The following CLIC4 variants were observed in gnomAD, a reference collection of about 807,000 sequenced individuals.
CLIC4 encodes the protein CLIC family member 4, also known as chloride intracellular channel protein 4.
CLIC4 carries 13 observed loss-of-function variants against 24.6 expected under a neutral mutation model. The observed-to-expected ratio is 0.53, with a 90% CI of 0.34 to 0.84. CLIC4 has a LOEUF of 0.84. CLIC4 is among the 40% of genes least tolerant of loss of function. The probability of loss-of-function intolerance (pLI) is 0.01; values close to 1 mark genes in which losing one functional copy is unlikely to be tolerated. For missense variants in CLIC4, 227 were observed against 301.7 expected (o/e 0.75, Z 1.83); for synonymous variants, 104 against 111.3 (o/e 0.93, Z 0.41).
chr1:24,838,007 A>G (rs1358862200), intron 4 of CLIC4, among the ~76,000 whole-genome samples: 1 of 152,052 alleles, frequency 6.6e-6, no homozygotes, highest in Non-Finnish European at 1.5e-5. Context: ...TTGAAACCAT[A>G]TTTGTCTGTC....
chr1:24,824,504 T>C (rs956798483), intron 3 of CLIC4, among the ~76,000 whole-genome samples: 21 of 152,012 alleles, frequency 1.4e-4, no homozygotes, highest in African/African-American at 5.1e-4. Flanking sequence ...CTGACCTCAA[T>C]TGATCCGCCC....
chr1:24,771,959 T>C (rs1283991271), intron 1 of CLIC4: 5 of 442,620 alleles, frequency 1.1e-5, no homozygotes, highest in Non-Finnish European at 2.3e-5. Flanking sequence ...AGCCTTAGGC[T>C]TGGCTTAAGC....
intron 1 of CLIC4, among the ~76,000 whole-genome samples, chr1:24,776,418 G>T (rs755354142): frequency 3.9e-5 from 6 of 152,144 alleles, no homozygotes; most frequent in African/African-American, 1.4e-4. Context: ...AGTGCCTTCA[G>T]GTGTTTTTGT....
intron 2 of CLIC4, among the ~76,000 whole-genome samples, chr1:24,801,568 C>T (rs543694476): frequency 7.2e-5 from 11 of 152,300 alleles, no homozygotes; most frequent in African/African-American, 1.9e-4. Flanking sequence ...TATTATATAT[C>T]AAGTCATGAA....
chr1:24,760,722 G>T (rs140535759), intron 1 of CLIC4, among the ~76,000 whole-genome samples: 1 of 152,194 alleles, frequency 6.6e-6, no homozygotes, highest in East Asian at 1.9e-4. Context: ...TACACCTAGT[G>T]AACAAAGTTC....
rs201361551 is a variant in CLIC4 at position 24,775,532 on chromosome 1, CTT to C, written c.73-22207_73-22206del. 1.5e-3 allele frequency among the ~76,000 whole-genome samples: 231 copies of C among 151,008 alleles called. 7 individuals are homozygous for C. The East Asian group carries it at 0.035, about 23-fold the overall frequency. ...AGACCTCTTTCTTTCTTCTCTCTCT[CTT>C]TTCTTTCTTTCTTTTCTCTTTCTTT... is the stretch of plus-strand genomic sequence containing the variant. On this transcript the variant is annotated intron_variant, in intron 1 of 5. Transcript: ENST00000374379.
At chr1:24,818,082 T>C (rs4233040) in intron 3 of CLIC4, among the ~76,000 whole-genome samples, 145,132 of 152,246 alleles carry the variant, frequency 0.95, 69,552 homozygotes, top group East Asian at 1. Flanking sequence ...TTTTGAAATA[T>C]TGCGAAAAAT....
intron 3 of CLIC4, among the ~76,000 whole-genome samples, chr1:24,820,087 A>AG (rs1639713427): frequency 1.1e-5 from 1 of 95,096 alleles, no homozygotes; most frequent in Non-Finnish European, 2.3e-5. Context: ...ATGTATATAT[A>AG]TATATATATA....
intron 3 of CLIC4, among the ~76,000 whole-genome samples, chr1:24,823,481 A>G (rs1639754733): frequency 1.3e-5 from 2 of 152,214 alleles, no homozygotes; most frequent in Admixed American, 6.5e-5. Flanking sequence ...TTTTTTAAAA[A>G]TGAGACATAC....
intron 1 of CLIC4, among the ~76,000 whole-genome samples, chr1:24,788,829 A>T (rs1219269265): frequency 6.6e-6 from 1 of 151,988 alleles, no homozygotes; most frequent in East Asian, 1.9e-4. Context: ...GAGAAGAAAA[A>T]CTCCAACCAA....
chr1:24,792,451 CA>C (rs1639351727), intron 1 of CLIC4, among the ~76,000 whole-genome samples: 1 of 152,120 alleles, frequency 6.6e-6, no homozygotes, highest in African/African-American at 2.4e-5. Context: ...TTTGGACTTC[CA>C]AAGTGTTGGG....
At chr1:24,764,231 G>A (rs1183300327) in intron 1 of CLIC4, among the ~76,000 whole-genome samples, 1 of 152,140 alleles carries the variant, frequency 6.6e-6, no homozygotes, top group Admixed American at 6.5e-5. Flanking sequence ...CTCTCGAGTA[G>A]CTGGGATTAC....
At chr1:24,775,044 C>T (rs2124105698) in intron 1 of CLIC4, among the ~76,000 whole-genome samples, 1 of 150,992 alleles carries the variant, frequency 6.6e-6, no homozygotes. Flanking sequence ...GTATTCCAGC[C>T]TGGGTGACAG....
intron 1 of CLIC4, among the ~76,000 whole-genome samples, chr1:24,781,769 A>C (rs1174846407): frequency 2.0e-5 from 3 of 151,388 alleles, no homozygotes; most frequent in Non-Finnish European, 2.9e-5. Flanking sequence ...TCCTGCCTCA[A>C]CTTCCCAAGT....
chr1:24,823,742 C>G (rs1639758481), intron 3 of CLIC4, among the ~76,000 whole-genome samples: 2 of 131,598 alleles, frequency 1.5e-5, no homozygotes, highest in South Asian at 4.6e-4. Flanking sequence ...CCACTGTACT[C>G]TAGCCTGGAC....
chr1:24,819,685 C>T (rs1382904582), intron 3 of CLIC4, among the ~76,000 whole-genome samples: 3 of 151,762 alleles, frequency 2.0e-5, no homozygotes, highest in Non-Finnish European at 4.4e-5. Flanking sequence ...GTGATCCACC[C>T]GCCTCGGCCT....
intron 3 of CLIC4, among the ~76,000 whole-genome samples, chr1:24,817,155 A>G (rs1639679722): frequency 6.6e-6 from 1 of 152,244 alleles, no homozygotes; most frequent in Non-Finnish European, 1.5e-5. Context: ...AGCCACCTTC[A>G]TCAATGATCT....
intron 2 of CLIC4, among the ~76,000 whole-genome samples, chr1:24,811,336 A>G (rs2124149235): frequency 6.6e-6 from 1 of 152,274 alleles, no homozygotes; most frequent in East Asian, 1.9e-4. Context: ...TGTGCACGAG[A>G]GGAGAATGAG....
intron 3 of CLIC4, among the ~76,000 whole-genome samples, chr1:24,826,451 G>A (rs115951937): frequency 0.023 from 3,431 of 152,298 alleles, 71 homozygotes; most frequent in Non-Finnish European, 0.036. Flanking sequence ...GACATACTAA[G>A]GATCTGGTTG....
Sources: gnomAD v4.1 joint callset for allele counts (sites outside exome capture counted in the v4.1 genomes callset) on GRCh38, gnomAD v4.1.1 for gene constraint, MANE v1.5 for transcripts, NCBI Gene and HGNC (gene_info 2026-07-23, HGNC 2026-07-21) for gene names.